The following NBAS variants were observed in gnomAD, a reference collection of about 807,000 sequenced individuals.
NBAS encodes NAG/BC035112 fusion.
NBAS carries 219 observed loss-of-function variants against 302.5 expected under a neutral mutation model. The observed-to-expected ratio is 0.72, with a 90% confidence interval of 0.65 to 0.81. NBAS has a LOEUF of 0.81. Among genes scored for constraint, NBAS ranks in the 30% least tolerant of loss-of-function variants. The pLI is 0.00. For missense variants in NBAS, 2,932 were observed against 2,841.6 expected (o/e 1.03, Z -0.72); for synonymous variants, 1,118 against 1,021.6 (o/e 1.09, Z -1.80).
In NBAS at chr2:15,473,421, AATG is replaced by A. The variant is rs150622623; in HGVS notation, c.1600-77_1600-75del. On this transcript the variant is annotated intron_variant, in intron 15 of 51. Transcript: ENST00000281513. ...ACAGGGTCCTGATGATGATACAATG[AATG>A]ATGATAATCCCTTGGACTTATCCAG... is the stretch of plus-strand genomic sequence containing the variant. 6,643 of 1,560,976 alleles carry A rather than the reference AATG, an allele frequency of 4.3e-3. 124 individuals are homozygous for A. In the East Asian group the frequency reaches 0.049, roughly 11 times the overall value.
chr2:15,193,244 T>C (rs1170910428), intron 48 of NBAS, among the ~76,000 whole-genome samples: 1 of 152,136 alleles, frequency 6.6e-6, no homozygotes, highest in Non-Finnish European at 1.5e-5. Flanking sequence ...CCCCATATTT[T>C]AACTAAAAAT....
the NBAS span, among the ~76,000 whole-genome samples, chr2:14,869,198 C>T: frequency 6.6e-6 from 1 of 152,170 alleles, no homozygotes; most frequent in Admixed American, 6.5e-5. Context: ...CTTTCTTGCT[C>T]TTTGCCAAGA....
chr2:15,191,710 A>G (rs142507473), intron 48 of NBAS, among the ~76,000 whole-genome samples: 290 of 152,352 alleles, frequency 1.9e-3, no homozygotes, highest in African/African-American at 6.5e-3. Flanking sequence ...TGAAACTAGA[A>G]GATTCAATAA....
intron 13 of NBAS, among the ~76,000 whole-genome samples, chr2:15,476,610 A>C (rs965219112): frequency 1.3e-5 from 2 of 152,040 alleles, no homozygotes; most frequent in African/African-American, 4.8e-5. Context: ...AGTTCCAACT[A>C]CTGGGGAGAC....
chr2:15,400,565 G>A (rs1439670570), intron 26 of NBAS, among the ~76,000 whole-genome samples: 2 of 152,096 alleles, frequency 1.3e-5, no homozygotes, highest in East Asian at 1.9e-4. Flanking sequence ...TTTTAAAGGA[G>A]GTAGGCAAAG....
chr2:15,056,881 T>G, the NBAS span, among the ~76,000 whole-genome samples: 3 of 148,318 alleles, frequency 2.0e-5, no homozygotes, highest in Admixed American at 6.9e-5. Context: ...TAGGCTGGAG[T>G]GCAGTGGTGC....
chr2:15,379,575 T>A, intron 30 of NBAS, 27 bp downstream of exon 30: 1 of 1,601,986 alleles, frequency 6.2e-7, no homozygotes, highest in Middle Eastern at 1.7e-4. Flanking sequence ...CCCCTCCATC[T>A]TAGGGAAGAA....
the NBAS span, among the ~76,000 whole-genome samples, chr2:14,821,896 A>G: frequency 6.6e-6 from 1 of 151,906 alleles, no homozygotes; most frequent in Non-Finnish European, 1.5e-5. Flanking sequence ...AGCCAGGCAC[A>G]GTGACAGGTG....
chr2:15,403,206 T>C (rs1417284373), intron 25 of NBAS, among the ~76,000 whole-genome samples: 4 of 152,114 alleles, frequency 2.6e-5, no homozygotes, highest in African/African-American at 9.7e-5. Flanking sequence ...ACAAAAGAGA[T>C]AGGAAAGTGA....
At chr2:15,555,207 T>C (rs564037339) in intron 3 of NBAS, among the ~76,000 whole-genome samples, 7 of 151,670 alleles carry the variant, frequency 4.6e-5, no homozygotes, top group African/African-American at 1.5e-4. Context: ...ACCATGATCT[T>C]GCCTGTGAAT....
the NBAS span, among the ~76,000 whole-genome samples, chr2:14,790,866 T>A: frequency 2.0e-5 from 3 of 151,902 alleles, no homozygotes; most frequent in Admixed American, 6.6e-5. Context: ...TTTGTTTGGT[T>A]TTTTTGGAGA....
chr2:15,361,014 C>A (rs936337543), intron 32 of NBAS, among the ~76,000 whole-genome samples: 7 of 152,120 alleles, frequency 4.6e-5, no homozygotes, highest in African/African-American at 1.7e-4. Flanking sequence ...CTATATGTGG[C>A]AAACTTACAC....
the NBAS span, among the ~76,000 whole-genome samples, chr2:14,896,601 A>AT: frequency 1.9e-4 from 29 of 151,182 alleles, no homozygotes; most frequent in Admixed American, 7.9e-4. Flanking sequence ...TTTCCCTGAG[A>AT]TTTTGTGTTG....
the NBAS span, among the ~76,000 whole-genome samples, chr2:14,895,231 G>T: frequency 6.6e-6 from 1 of 152,024 alleles, no homozygotes. Flanking sequence ...TTGTTGTTGT[G>T]GTTGTGTAAT....
At chr2:15,351,220 A>G (rs1240621614) in intron 35 of NBAS, among the ~76,000 whole-genome samples, 2 of 152,224 alleles carry the variant, frequency 1.3e-5, no homozygotes, top group Non-Finnish European at 2.9e-5. Context: ...AAGTATAACT[A>G]TTTCTATAAA....
chr2:15,236,101 T>C (rs1667578204), intron 45 of NBAS, among the ~76,000 whole-genome samples: 1 of 152,172 alleles, frequency 6.6e-6, no homozygotes. Flanking sequence ...TTAAATAATG[T>C]CTAATTTAGG....
the NBAS span, among the ~76,000 whole-genome samples, chr2:14,843,994 G>A: frequency 1.3e-5 from 2 of 152,224 alleles, no homozygotes. Flanking sequence ...ACTTCTGTGT[G>A]AGTCCTAGGG....
chr2:14,885,934 G>A, the NBAS span, among the ~76,000 whole-genome samples: 6 of 152,250 alleles, frequency 3.9e-5, no homozygotes, highest in African/African-American at 9.6e-5. Context: ...AGATTGGCAC[G>A]GAATAAAGGG....
chr2:14,976,691 G>A, the NBAS span, among the ~76,000 whole-genome samples: 3 of 152,202 alleles, frequency 2.0e-5, no homozygotes, highest in Non-Finnish European at 4.4e-5. Flanking sequence ...GGGACCTCAT[G>A]ATCCTGGAAT....
Sources: gnomAD v4.1 joint callset for allele counts (sites outside exome capture counted in the v4.1 genomes callset) on GRCh38, gnomAD v4.1.1 for gene constraint, MANE v1.5 for transcripts, NCBI Gene and HGNC (gene_info 2026-07-23, HGNC 2026-07-21) for gene names.